MICU2: variants seen among roughly 807,000 people sequenced by gnomAD.
MICU2 encodes the protein calcium uptake protein 2, mitochondrial.
A neutral mutation model predicts 60.4 loss-of-function variants in MICU2; 64 were observed. The ratio of observed to expected loss-of-function variants is 1.06; its 90% CI spans 0.87 to 1.31. MICU2 has a LOEUF of 1.31. MICU2 is among the 50% of genes most tolerant of loss of function. MICU2 has a pLI of 0.00. For missense variants in MICU2, 569 were observed against 531.0 expected (o/e 1.07, Z -0.70); for synonymous variants, 201 against 175.0 (o/e 1.15, Z -1.17).
At chr13:21,540,373 GTTTTA>G (rs1032737190) in intron 2 of MICU2, among the ~76,000 whole-genome samples, 31 of 152,142 alleles carry the variant, frequency 2.0e-4, no homozygotes, top group Middle Eastern at 3.4e-3. Flanking sequence ...ACTGAAAAAT[GTTTTA>G]TTTTGTTTCT....
At chr13:21,569,632 A>C (rs78164654) in intron 1 of MICU2, among the ~76,000 whole-genome samples, 3,462 of 151,828 alleles carry the variant, frequency 0.023, 108 homozygotes, top group African/African-American at 0.074. Flanking sequence ...CAAGGGGGCA[A>C]CTCTGTAGTA....
rs182323386 is a variant in MICU2, at chr13:21,576,088, T to C, written c.211-9144A>G. Among the ~76,000 whole-genome samples the C allele has an allele frequency of 2.0e-3, 310 of 152,334 alleles. 1 individual carries two copies. Among genetic ancestry groups the C allele is most frequent in the South Asian group, 0.01 (49 of 4,828 alleles). Reference sequence around the variant, plus strand: ...AGGAACAACAAACATTTAGCAAATGTGTATGTTCCACGAGGATAAATTTAA... The same window carrying C: ...AGGAACAACAAACATTTAGCAAATGCGTATGTTCCACGAGGATAAATTTAA... On this transcript the variant is annotated intron_variant, in intron 1 of 11. Transcript: ENST00000382374.
At chr13:21,603,907 A>C in intron 1 of MICU2, 32 bp downstream of exon 1, 1 of 1,606,952 alleles carries the variant, frequency 6.2e-7, no homozygotes. Context: ...GAGGAGCTTG[A>C]CTGGGGCTAG....
At chr13:21,511,116 C>G (rs1461714917) in intron 7 of MICU2, among the ~76,000 whole-genome samples, 6 of 152,156 alleles carry the variant, frequency 3.9e-5, no homozygotes, top group African/African-American at 1.4e-4. Context: ...AATAGAATCA[C>G]AGAGAGAAAG....
At position 21,562,636 on chromosome 13, in the gene MICU2, G is replaced by A. The variant is rs369312095; in HGVS notation, c.358+4161C>T. 2.1e-3 allele frequency among the ~76,000 whole-genome samples: 322 copies of A among 152,086 alleles called. 1 individual carries two copies. The highest frequency in any genetic ancestry group is 7.5e-3 in the African/African-American group (312 of 41,490). On this transcript the variant is annotated intron_variant, in intron 2 of 11. Transcript: ENST00000382374. Reference sequence around the variant, plus strand: ...TCAAATAACACTATACCACTTCGTGGGTGGTACAAGTATCTTATAACAAAA... The same window carrying A: ...TCAAATAACACTATACCACTTCGTGAGTGGTACAAGTATCTTATAACAAAA...
At chr13:21,498,920 T>C (rs535502845) in intron 9 of MICU2, among the ~76,000 whole-genome samples, 17 of 152,348 alleles carry the variant, frequency 1.1e-4, no homozygotes, top group African/African-American at 3.4e-4. Flanking sequence ...GATGTCTGCT[T>C]TTCTGATAGA....
chr13:21,556,620 G>C (rs1457420460), intron 2 of MICU2, among the ~76,000 whole-genome samples: 1 of 152,160 alleles, frequency 6.6e-6, no homozygotes, highest in African/African-American at 2.4e-5. Flanking sequence ...ACTAGAGAAG[G>C]GGGCGGAGGA....
intron 1 of MICU2, among the ~76,000 whole-genome samples, chr13:21,588,784 A>G (rs538552321): frequency 6.6e-6 from 1 of 152,338 alleles, no homozygotes; most frequent in East Asian, 1.9e-4. Flanking sequence ...TCGTAAAGCA[A>G]GAGAAGCCCC....
chr13:21,590,000 T>C (rs1265434308), intron 1 of MICU2, among the ~76,000 whole-genome samples: 1 of 152,214 alleles, frequency 6.6e-6, no homozygotes, highest in Non-Finnish European at 1.5e-5. Flanking sequence ...AAGAAAATTT[T>C]ATATTTGAGT....
At chr13:21,588,397 T>C (rs539779384) in intron 1 of MICU2, among the ~76,000 whole-genome samples, 1 of 152,288 alleles carries the variant, frequency 6.6e-6, no homozygotes, top group East Asian at 1.9e-4. Context: ...GTAGTTCTTT[T>C]CCAGGACCCT....
At chr13:21,589,157 A>G (rs1593358456) in intron 1 of MICU2, among the ~76,000 whole-genome samples, 1 of 152,342 alleles carries the variant, frequency 6.6e-6, no homozygotes, top group East Asian at 1.9e-4. Flanking sequence ...TAACAAAGGT[A>G]CTGCAAGGTC....
chr13:21,499,880 C>A (rs1416575091), intron 9 of MICU2, among the ~76,000 whole-genome samples: 4 of 152,052 alleles, frequency 2.6e-5, no homozygotes, highest in Non-Finnish European at 4.4e-5. Context: ...ACAAAAATTG[C>A]GAGGCATGGT....
At chr13:21,565,660 AAAAC>A (rs960561553) in intron 2 of MICU2, among the ~76,000 whole-genome samples, 5 of 151,486 alleles carry the variant, frequency 3.3e-5, no homozygotes, top group South Asian at 2.1e-4. Context: ...TCCGTCTCAA[AAAAC>A]AAACAAACAA....
chr13:21,497,663 G>C (rs1361018247), intron 9 of MICU2, among the ~76,000 whole-genome samples: 4 of 152,072 alleles, frequency 2.6e-5, no homozygotes, highest in Non-Finnish European at 5.9e-5. Flanking sequence ...TGAGCTAACT[G>C]CACCACTGCA....
intron 4 of MICU2, chr13:21,531,031 G>C (rs1041401776): frequency 1.1e-6 from 1 of 890,892 alleles, no homozygotes; most frequent in Non-Finnish European, 1.9e-6. Flanking sequence ...TATTTGAAAG[G>C]GATTTTGCAG....
At chr13:21,534,253 T>C (rs1008662690) in intron 4 of MICU2, among the ~76,000 whole-genome samples, 1 of 151,828 alleles carries the variant, frequency 6.6e-6, no homozygotes, top group Admixed American at 6.6e-5. Context: ...TTGCCCAGGC[T>C]GGAGTATAGC....
chr13:21,536,704 G>C (rs1392222264), intron 4 of MICU2, among the ~76,000 whole-genome samples: 1 of 152,194 alleles, frequency 6.6e-6, no homozygotes, highest in African/African-American at 2.4e-5. Flanking sequence ...TGCATTCAAT[G>C]AAAGGTTATA....
At chr13:21,598,198 A>G (rs912391192) in intron 1 of MICU2, among the ~76,000 whole-genome samples, 1 of 152,132 alleles carries the variant, frequency 6.6e-6, no homozygotes, top group African/African-American at 2.4e-5. Context: ...AACAACAACA[A>G]AAACCTGTTA....
At position 21,508,107 on chromosome 13, in the gene MICU2, A is replaced by C. The variant is rs112126547; in HGVS notation, c.761+1897T>G. Among the ~76,000 whole-genome samples, 1,356 of 147,668 alleles carry C rather than the reference A, an allele frequency of 9.2e-3. 19 individuals are homozygous for C. Among genetic ancestry groups the C allele is most frequent in the African/African-American group, 0.033 (1,305 of 39,836 alleles). Reference sequence around the variant, plus strand: ...ACTTCAAAATCCTTATTGCCACTACACTAGTTCAAGGCTCTTCTTTCTTTT... The same window carrying C: ...ACTTCAAAATCCTTATTGCCACTACCCTAGTTCAAGGCTCTTCTTTCTTTT... On this transcript the variant is annotated intron_variant, in intron 8 of 11. Transcript: ENST00000382374.
Sources: gnomAD v4.1 joint callset for allele counts (sites outside exome capture counted in the v4.1 genomes callset) on GRCh38, gnomAD v4.1.1 for gene constraint, MANE v1.5 for transcripts, NCBI Gene and HGNC (gene_info 2026-07-23, HGNC 2026-07-21) for gene names.